Variants in ZFAT observed in about 807,000 individuals in gnomAD.
ZFAT encodes zinc finger and AT-hook domain containing.
A neutral mutation model predicts 117.7 loss-of-function variants in ZFAT; 64 were observed. The ratio of observed to expected loss-of-function variants is 0.54; its 90% CI spans 0.44 to 0.67. The LOEUF (loss-of-function observed/expected upper bound fraction) is 0.67, where lower values mean the gene tolerates loss of function less well. Ranked by LOEUF, ZFAT falls within the 30% of genes least tolerant of loss-of-function variation. ZFAT has a pLI of 0.00. For missense variants in ZFAT, 1,433 were observed against 1,584.5 expected (o/e 0.90, Z 1.62); for synonymous variants, 679 against 615.0 (o/e 1.10, Z -1.54).
chr8:134,774,109 C>T, the ZFAT span, among the ~76,000 whole-genome samples: 17 of 149,420 alleles, frequency 1.1e-4, no homozygotes, highest in African/African-American at 3.7e-4. Flanking sequence ...TATTCTCCTG[C>T]CTCAGCCTCC....
rs193227196 is a variant in ZFAT at position 134,564,886 on chromosome 8, A to G, written c.2976+447T>C. On this transcript the variant is annotated intron_variant, in intron 11 of 15. Coordinates refer to ENST00000377838, the MANE Select transcript of ZFAT (RefSeq NM_020863.4). ...TGCCACCATCTCCTGAGCCCCTGCAACATGCTGGGCACTGTGGTGGACACT... is the reference window on the plus strand; with the variant it reads ...TGCCACCATCTCCTGAGCCCCTGCAGCATGCTGGGCACTGTGGTGGACACT... The G allele has an allele frequency of 1.7e-4, 186 of 1,075,940 alleles. 2 individuals are homozygous for G. The African/African-American group carries it at 2.8e-3, about 16-fold the overall frequency. The allele number at this position is 1,075,940 out of a possible 1,614,324, so 66.6% of individuals were successfully genotyped here.
At chr8:134,612,744 A>G (rs980958493) in intron 3 of ZFAT, among the ~76,000 whole-genome samples, 1 of 152,220 alleles carries the variant, frequency 6.6e-6, no homozygotes, top group African/African-American at 2.4e-5. Context: ...AATAGATGAG[A>G]TCATGAATCA....
chr8:134,755,682 C>T, the ZFAT span, among the ~76,000 whole-genome samples: 1 of 149,888 alleles, frequency 6.7e-6, no homozygotes, highest in Non-Finnish European at 1.5e-5. Flanking sequence ...TGTGGTGGCA[C>T]ATGCCTGTAA....
chr8:134,782,681 A>G, the ZFAT span, among the ~76,000 whole-genome samples: 9 of 151,778 alleles, frequency 5.9e-5, no homozygotes, highest in Non-Finnish European at 1.2e-4. Flanking sequence ...CCTTTGCTTG[A>G]TTTTCATTCT....
chr8:134,590,348 C>T lies in ZFAT; in HGVS notation c.2483G>A (p.Arg828Lys), dbSNP rs138033806. The change falls in exon 8 of 16, where the codon AGG becomes AAG. Residue 828 changes from arginine to lysine, a missense_variant. Around this residue, in one of 5 missense-constraint regions of ZFAT, gnomAD observed 503 missense variants for 543.4 expected, o/e 0.93. Coordinates refer to ENST00000377838, the MANE Select transcript of ZFAT (RefSeq NM_020863.4). ...TTCACAAACAGGACAAGAATAACTC[C>T]TTTTGTCCTTAATAGAAAGAGAACA... is the stretch of plus-strand genomic sequence containing the variant. ...HLKVHTALDK[R>K]SYSCPVCEKS... 7,020 of 1,609,350 alleles carry T rather than the reference C, an allele frequency of 4.4e-3. 30 individuals are homozygous for T. Among genetic ancestry groups the T allele is most frequent in the Non-Finnish European group, 4.9e-3 (5,766 of 1,176,684 alleles).
At chr8:134,742,547 T>C in the ZFAT span, among the ~76,000 whole-genome samples, 2 of 152,312 alleles carry the variant, frequency 1.3e-5, no homozygotes, top group East Asian at 3.9e-4. Context: ...TCTGATCAGA[T>C]TCCTGAGCAC....
chr8:134,763,795 G>A, the ZFAT span, among the ~76,000 whole-genome samples: 1 of 152,276 alleles, frequency 6.6e-6, no homozygotes, highest in East Asian at 1.9e-4. Flanking sequence ...AGAAAACAGT[G>A]GCTTGGGAAT....
chr8:134,717,466 CTTTTTTTTTTTTTTTTTTTTTTTTT>C (rs746460924), upstream of ZFAT, among the ~76,000 whole-genome samples: 3 of 19,334 alleles, frequency 1.6e-4, no homozygotes, highest in Non-Finnish European at 3.9e-4. Flanking sequence ...AATAACAACT[CTTTTTTTTTTTTTTTTTTTTTTTTT>C]TTTTTTTTTT....
chr8:134,617,236 C>T (rs1285640625), intron 3 of ZFAT, among the ~76,000 whole-genome samples: 1 of 152,194 alleles, frequency 6.6e-6, no homozygotes, highest in Non-Finnish European at 1.5e-5. Context: ...TGCACCCACA[C>T]ACCTGGAGCA....
intron 3 of ZFAT, among the ~76,000 whole-genome samples, chr8:134,611,279 T>C (rs1828311711): frequency 1.3e-5 from 2 of 152,240 alleles, no homozygotes; most frequent in Admixed American, 6.5e-5. Context: ...AAAGCAAGCA[T>C]GTGCGAAGCA....
At chr8:134,795,490 C>A in the ZFAT span, 1 of 152,006 alleles carries the variant, frequency 6.6e-6, no homozygotes, top group African/African-American at 2.4e-5. Context: ...CATGTGTGTG[C>A]ACAGGAGTCA....
At chr8:134,516,665 T>C (rs1820276178) in intron 13 of ZFAT, among the ~76,000 whole-genome samples, 1 of 152,064 alleles carries the variant, frequency 6.6e-6, no homozygotes, top group Non-Finnish European at 1.5e-5. Flanking sequence ...AGAAATCCTG[T>C]CTCTATTTTT....
At chr8:134,650,903 A>C (rs1486303102) in intron 2 of ZFAT, among the ~76,000 whole-genome samples, 1 of 152,256 alleles carries the variant, frequency 6.6e-6, no homozygotes, top group Non-Finnish European at 1.5e-5. Flanking sequence ...TGCAAAAATT[A>C]ACTTAAAATG....
the ZFAT span, among the ~76,000 whole-genome samples, chr8:134,737,280 C>CA: frequency 6.7e-6 from 1 of 148,306 alleles, no homozygotes; most frequent in Non-Finnish European, 1.5e-5. Flanking sequence ...AACTCCATCT[C>CA]AAAAAAAATG....
chr8:134,820,979 G>A, the ZFAT span, among the ~76,000 whole-genome samples: 1 of 152,192 alleles, frequency 6.6e-6, no homozygotes, highest in African/African-American at 2.4e-5. Flanking sequence ...AATGAATAAT[G>A]ATGAGATGAG....
chr8:134,578,429 A>AC (rs1363283809), intron 10 of ZFAT, among the ~76,000 whole-genome samples: 1 of 151,548 alleles, frequency 6.6e-6, no homozygotes, highest in African/African-American at 2.4e-5. Context: ...AAAAAAAAAA[A>AC]AAGGAATGAA....
chr8:134,767,627 A>C, the ZFAT span, among the ~76,000 whole-genome samples: 1 of 152,206 alleles, frequency 6.6e-6, no homozygotes, highest in African/African-American at 2.4e-5. Flanking sequence ...GCTTGAGCCC[A>C]AGAATTTGAA....
intron 11 of ZFAT, among the ~76,000 whole-genome samples, chr8:134,538,440 G>A (rs1161510065): frequency 2.0e-5 from 3 of 152,164 alleles, no homozygotes; most frequent in Admixed American, 6.5e-5. Flanking sequence ...AAGACGAGGA[G>A]CACAAGCTGG....
intron 1 of ZFAT, among the ~76,000 whole-genome samples, chr8:134,677,610 T>G (rs1170799639): frequency 6.6e-6 from 1 of 152,206 alleles, no homozygotes; most frequent in East Asian, 1.9e-4. Flanking sequence ...AGCATCATCC[T>G]GATACCAAAA....
Sources: allele counts gnomAD v4.1 joint callset (sites outside exome capture counted in the v4.1 genomes callset), GRCh38; gene constraint gnomAD v4.1.1; regional missense constraint gnomAD v4.1.1; transcripts MANE v1.5; gene names NCBI Gene and HGNC (gene_info 2026-07-23, HGNC 2026-07-21).